Variants in ADAMTSL1 observed in about 807,000 individuals in gnomAD.
The protein encoded by ADAMTSL1 is ADAMTS-like protein 1.
In ADAMTSL1, 126 loss-of-function variants were observed where a neutral mutation model predicts 201.8. That is an observed-to-expected ratio of 0.62 (90% CI 0.54 to 0.72). The LOEUF is 0.72. Among genes scored for constraint, ADAMTSL1 ranks in the 30% least tolerant of loss-of-function variants. ADAMTSL1 has a pLI of 0.00. For synonymous variants in ADAMTSL1, 1,121 were observed against 903.4 expected (o/e 1.24, Z -4.32); for missense variants, 2,679 against 2,277.8 (o/e 1.18, Z -3.59).
intron 2 of ADAMTSL1, among the ~76,000 whole-genome samples, chr9:18,266,530 CTCTT>C (rs1832123827): frequency 6.6e-6 from 1 of 152,146 alleles, no homozygotes; most frequent in South Asian, 2.1e-4. Flanking sequence ...GAGGGTCAGG[CTCTT>C]TCTTCCTGTC....
chr9:18,559,758 C>G (rs545969865), intron 3 of ADAMTSL1, among the ~76,000 whole-genome samples: 2 of 152,232 alleles, frequency 1.3e-5, no homozygotes, highest in South Asian at 2.1e-4. Flanking sequence ...GTATTTTATT[C>G]TCTTTGTAGC....
At chr9:18,646,334 A>C (rs1042909341) in intron 7 of ADAMTSL1, among the ~76,000 whole-genome samples, 4 of 152,284 alleles carry the variant, frequency 2.6e-5, no homozygotes, top group Admixed American at 2.6e-4. Flanking sequence ...GTCATCTTCA[A>C]ACAGGGATAA....
intron 2 of ADAMTSL1, among the ~76,000 whole-genome samples, chr9:18,180,025 A>C (rs1828382201): frequency 6.6e-6 from 1 of 152,260 alleles, no homozygotes; most frequent in African/African-American, 2.4e-5. Context: ...ACACATAACA[A>C]TATTAACTTT....
intron 2 of ADAMTSL1, among the ~76,000 whole-genome samples, chr9:18,325,410 C>A (rs1440103297): frequency 6.6e-6 from 1 of 152,152 alleles, no homozygotes; most frequent in African/African-American, 2.4e-5. Flanking sequence ...ACTTAGCAGT[C>A]TAAAAATAAC....
At chr9:18,607,749 C>G (rs915533778) in intron 4 of ADAMTSL1, among the ~76,000 whole-genome samples, 1 of 151,748 alleles carries the variant, frequency 6.6e-6, no homozygotes, top group Non-Finnish European at 1.5e-5. Flanking sequence ...CACAACAGTC[C>G]CCAGAGTGCG....
intron 2 of ADAMTSL1, among the ~76,000 whole-genome samples, chr9:18,288,215 G>A (rs1219961646): frequency 6.6e-6 from 1 of 152,044 alleles, no homozygotes; most frequent in Non-Finnish European, 1.5e-5. Context: ...CAACGAGAAC[G>A]CATACACTGG....
chr9:18,028,560 C>G (rs964119339), intron 1 of ADAMTSL1, among the ~76,000 whole-genome samples: 1 of 152,066 alleles, frequency 6.6e-6, no homozygotes, highest in Non-Finnish European at 1.5e-5. Flanking sequence ...TGTCAAAGAT[C>G]AGATAGTTGT....
intron 23 of ADAMTSL1, among the ~76,000 whole-genome samples, chr9:18,847,242 G>A (rs1307816010): frequency 1.3e-5 from 2 of 152,136 alleles, no homozygotes; most frequent in African/African-American, 4.8e-5. Context: ...TTGATGAAAG[G>A]GTAATTGGGG....
chr9:18,388,468 C>G (rs1365940119), intron 2 of ADAMTSL1, among the ~76,000 whole-genome samples: 2 of 151,954 alleles, frequency 1.3e-5, no homozygotes, highest in Admixed American at 1.3e-4. Flanking sequence ...GAGACAATGT[C>G]TCACCATGTT....
chr9:18,647,328 CA>C (rs1166308963), intron 7 of ADAMTSL1, among the ~76,000 whole-genome samples: 1 of 150,676 alleles, frequency 6.6e-6, no homozygotes, highest in Non-Finnish European at 1.5e-5. Context: ...TTGATCCTTT[CA>C]AAAAACCAGC....
intron 2 of ADAMTSL1, among the ~76,000 whole-genome samples, chr9:18,350,344 G>T (rs1331714235): frequency 6.6e-6 from 1 of 152,046 alleles, no homozygotes; most frequent in East Asian, 1.9e-4. Flanking sequence ...GGGGGAAAAA[G>T]AGGTCATATA....
rs765495367 is a variant in ADAMTSL1 at position 18,639,298 on chromosome 9, C to G, written c.721C>G (p.Leu241Val). The stretch of plus-strand genomic sequence containing the variant: ...CCAGGGGACTAAAGGTGAAAACAGT[C>G]TCAGCTCCACAGGAACTTTCCTTGT... ...TLQGTKGENSLSSTGTFLVDN... is the reference protein window; with the variant it reads ...TLQGTKGENSVSSTGTFLVDN... The change falls in exon 7 of 29, where the codon CTC becomes GTC. Residue 241 changes from leucine (L) to valine (V), a missense_variant. Leu to Val is a conservative substitution (Grantham distance 32). Coordinates refer to ENST00000380548, the MANE Select transcript of ADAMTSL1 (RefSeq NM_001040272.6). 4 of 1,612,912 alleles carry G rather than the reference C, an allele frequency of 2.5e-6. No homozygotes were observed. Among genetic ancestry groups the G allele is most frequent in the Middle Eastern group, 1.6e-4 (1 of 6,074 alleles).
Position 18,414,045 on chromosome 9 carries a change from G to A in ADAMTSL1, c.208-90784G>A, listed in dbSNP as rs547100246. ...GACTTGCCAGTTGACTCAAGGCAGT[G>A]AGATGTTGGGTACAGCTGGTATTTT... On this transcript the variant is annotated intron_variant, in intron 2 of 29. Transcript: ENST00000680146. 7.2e-5 allele frequency among the ~76,000 whole-genome samples: 11 copies of A among 152,332 alleles called. 1 individual carries two copies. In the South Asian group the frequency reaches 2.3e-3, roughly 32 times the overall value.
At chr9:17,949,015 A>G (rs1157392137) in intron 1 of ADAMTSL1, among the ~76,000 whole-genome samples, 1 of 152,202 alleles carries the variant, frequency 6.6e-6, no homozygotes, top group Non-Finnish European at 1.5e-5. Context: ...ATGATTCTGA[A>G]ATTTTATCCC....
intron 2 of ADAMTSL1, among the ~76,000 whole-genome samples, chr9:18,364,012 C>A (rs560860763): frequency 6.6e-6 from 1 of 152,200 alleles, no homozygotes; most frequent in Admixed American, 6.5e-5. Flanking sequence ...ATTCAAATCA[C>A]ATTTTTTAAT....
At chr9:18,773,220 C>T (rs954429490) in intron 17 of ADAMTSL1, among the ~76,000 whole-genome samples, 2 of 152,118 alleles carry the variant, frequency 1.3e-5, no homozygotes, top group Non-Finnish European at 2.9e-5. Flanking sequence ...CCCATAGAGA[C>T]AGAATTAAGC....
chr9:17,991,434 C>G (rs1229421944), intron 1 of ADAMTSL1, among the ~76,000 whole-genome samples: 1 of 152,074 alleles, frequency 6.6e-6, no homozygotes, highest in Non-Finnish European at 1.5e-5. Flanking sequence ...GATTCAGGGA[C>G]TAAGGAGAAA....
At chr9:18,171,883 C>T (rs7030927) in intron 2 of ADAMTSL1, among the ~76,000 whole-genome samples, 47,526 of 151,868 alleles carry the variant, frequency 0.31, 7,626 homozygotes, top group Admixed American at 0.39. Context: ...GATCCAGTTT[C>T]AGCTTTCTGC....
chr9:18,693,295 T>C (rs997449924), intron 13 of ADAMTSL1, among the ~76,000 whole-genome samples: 1 of 152,244 alleles, frequency 6.6e-6, no homozygotes, highest in African/African-American at 2.4e-5. Flanking sequence ...TGAAGTGTGA[T>C]AGACACAGAA....
Sources: gnomAD v4.1 joint callset for allele counts (sites outside exome capture counted in the v4.1 genomes callset) on GRCh38, gnomAD v4.1.1 for gene constraint, MANE v1.5 for transcripts, NCBI Gene and HGNC (gene_info 2026-07-23, HGNC 2026-07-21) for gene names.